The following SND1 variants were observed in gnomAD, a reference collection of about 807,000 sequenced individuals.
SND1 encodes staphylococcal nuclease and tudor domain containing 1.
In SND1, 38 loss-of-function variants were observed where a neutral mutation model predicts 121.7. That is an observed-to-expected ratio of 0.31 (90% CI 0.24 to 0.41). The LOEUF is 0.41. Ranked by LOEUF, SND1 falls within the 10% of genes least tolerant of loss-of-function variation. The pLI is 1.00. For missense variants in SND1, 868 were observed against 1,184.6 expected (o/e 0.73, Z 3.92); for synonymous variants, 401 against 447.4 (o/e 0.90, Z 1.31).
At chr7:127,684,261 C>T (rs1795776144) in intron 1 of SND1, among the ~76,000 whole-genome samples, 1 of 152,174 alleles carries the variant, frequency 6.6e-6, no homozygotes, top group Admixed American at 6.5e-5. Context: ...GCTTTTATGA[C>T]TGGGCTTTAC....
chr7:127,857,609 C>T (rs1268347969), intron 12 of SND1, among the ~76,000 whole-genome samples: 1 of 151,746 alleles, frequency 6.6e-6, no homozygotes, highest in Admixed American at 6.6e-5. Flanking sequence ...ACAGGCACCT[C>T]CAAGGAGGAT....
chr7:127,692,865 A>G (rs775257877), intron 2 of SND1, among the ~76,000 whole-genome samples: 14 of 152,198 alleles, frequency 9.2e-5, no homozygotes, highest in Admixed American at 2.0e-4. Flanking sequence ...TAAGGGGAAG[A>G]TGTTTCTTCA....
At chr7:127,815,062 T>C (rs907633723) in intron 11 of SND1, among the ~76,000 whole-genome samples, 9 of 152,180 alleles carry the variant, frequency 5.9e-5, no homozygotes, top group African/African-American at 9.7e-5. Flanking sequence ...CCTGAGCAGT[T>C]ATCTTCTTCT....
chr7:127,978,060 C>A (rs368169106), intron 15 of SND1, among the ~76,000 whole-genome samples: 12 of 152,158 alleles, frequency 7.9e-5, no homozygotes, highest in East Asian at 3.9e-4. Flanking sequence ...GGTATAGAGC[C>A]AGGATTACAT....
intron 15 of SND1, among the ~76,000 whole-genome samples, chr7:127,939,410 A>G (rs577636254): frequency 4.3e-4 from 65 of 152,052 alleles, no homozygotes; most frequent in African/African-American, 1.5e-3. Flanking sequence ...TTCAGTACCC[A>G]TTCCAGAGTA....
intron 12 of SND1, chr7:127,857,765 A>G: frequency 1.6e-6 from 1 of 641,108 alleles, no homozygotes. Context: ...ATGGCCTCCA[A>G]CTTCCTCACT....
At chr7:127,757,811 C>T (rs1202566212) in intron 10 of SND1, among the ~76,000 whole-genome samples, 1 of 152,134 alleles carries the variant, frequency 6.6e-6, no homozygotes, top group Non-Finnish European at 1.5e-5. Context: ...TGAATATCTT[C>T]TAATTTGTGG....
rs1792705864 is a variant in SND1, at chr7:128,034,170, A to ATG, written c.1780-40332_1780-40331insTG. ...AATGCCCGCTGTGTCTACTCTTCAT[A>ATG]GAGTAAATGGTGGAGGCAAGTGGAG... On this transcript the variant is annotated intron_variant, in intron 16 of 23. Transcript: ENST00000354725. Among the ~76,000 whole-genome samples, 4 of 152,290 alleles carry ATG rather than the reference A, an allele frequency of 2.6e-5. No homozygotes were observed. In the South Asian group the frequency reaches 8.3e-4, roughly 32 times the overall value.
intron 15 of SND1, among the ~76,000 whole-genome samples, chr7:127,938,248 C>A (rs1801106824): frequency 6.6e-6 from 1 of 152,128 alleles, no homozygotes; most frequent in Non-Finnish European, 1.5e-5. Flanking sequence ...AGAATTAACA[C>A]AATGAACAGA....
chr7:127,766,058 A>G (rs1797404924), intron 10 of SND1, among the ~76,000 whole-genome samples: 3 of 152,198 alleles, frequency 2.0e-5, no homozygotes, highest in South Asian at 2.1e-4. Flanking sequence ...GGAAAGTTTA[A>G]TGGATTAATG....
At chr7:127,956,043 T>TATC (rs1250064711) in intron 15 of SND1, among the ~76,000 whole-genome samples, 1 of 152,194 alleles carries the variant, frequency 6.6e-6, no homozygotes, top group African/African-American at 2.4e-5. Flanking sequence ...TCTCTCTTTT[T>TATC]ATCATCACCT....
At chr7:128,058,372 C>G (rs1377770516) in intron 16 of SND1, among the ~76,000 whole-genome samples, 1 of 152,234 alleles carries the variant, frequency 6.6e-6, no homozygotes, top group African/African-American at 2.4e-5. Context: ...TTATTACTCC[C>G]ATGTTACAGC....
At chr7:127,996,301 A>G (rs1802655814) in intron 16 of SND1, among the ~76,000 whole-genome samples, 1 of 152,204 alleles carries the variant, frequency 6.6e-6, no homozygotes, top group Non-Finnish European at 1.5e-5. Context: ...TACAAGAAAA[A>G]GTGATTTCAT....
intron 10 of SND1, among the ~76,000 whole-genome samples, chr7:127,783,018 A>T (rs562902772): frequency 6.6e-6 from 1 of 152,352 alleles, no homozygotes; most frequent in South Asian, 2.1e-4. Flanking sequence ...ATGCTGCAGG[A>T]GAATGGGGAC....
chr7:128,091,754 T>C, intron 22 of SND1, 83 bp from the exon 23 acceptor site: 1 of 1,443,214 alleles, frequency 6.9e-7, no homozygotes, highest in South Asian at 1.1e-5. Flanking sequence ...GCTCTGGCGC[T>C]TACCTAAGCA....
chr7:127,661,616 T>TTAGGGTTAGG (rs1795312437), intron 1 of SND1, among the ~76,000 whole-genome samples: 1 of 152,134 alleles, frequency 6.6e-6, no homozygotes. Context: ...AATTCTCAGG[T>TTAGGGTTAGG]CTTACGAAGT....
At chr7:127,665,389 G>T (rs370977374) in intron 1 of SND1, among the ~76,000 whole-genome samples, 4 of 151,896 alleles carry the variant, frequency 2.6e-5, no homozygotes, top group African/African-American at 9.7e-5. Context: ...GGGTTTCACC[G>T]TGTTAGCCAG....
chr7:127,934,468 A>G (rs897348971), intron 15 of SND1, among the ~76,000 whole-genome samples: 1 of 152,198 alleles, frequency 6.6e-6, no homozygotes, highest in African/African-American at 2.4e-5. Flanking sequence ...ATTGAAATAA[A>G]TGAGGCGCAA....
chr7:127,833,248 T>G lies in SND1; in HGVS notation c.1243-11076T>G, dbSNP rs573666101. Reference sequence around the variant, plus strand: ...CCATCCGTATATTTTCTTGGGAATGTGATTGAACTGTCTTTTTTTTTTTTT... The same window carrying G: ...CCATCCGTATATTTTCTTGGGAATGGGATTGAACTGTCTTTTTTTTTTTTT... On this transcript the variant is annotated intron_variant, in intron 11 of 23. Transcript: ENST00000354725. Among the ~76,000 whole-genome samples, 6 of 149,908 alleles carry G rather than the reference T, an allele frequency of 4.0e-5. No individual in the cohort carries two copies. The South Asian group carries it at 1.3e-3, about 32-fold the overall frequency.
Sources: allele counts gnomAD v4.1 joint callset (sites outside exome capture counted in the v4.1 genomes callset), GRCh38; gene constraint gnomAD v4.1.1; transcripts MANE v1.5; gene names NCBI Gene and HGNC (gene_info 2026-07-23, HGNC 2026-07-21).